Variants in DPP6 observed in about 807,000 individuals in gnomAD.
DPP6 encodes A-type potassium channel modulatory protein DPP6.
A neutral mutation model predicts 122.6 loss-of-function variants in DPP6; 69 were observed. The ratio of observed to expected loss-of-function variants is 0.56; its 90% CI spans 0.46 to 0.69. The LOEUF (loss-of-function observed/expected upper bound fraction) is 0.69, where lower values mean the gene tolerates loss of function less well. Ranked by LOEUF, DPP6 falls within the 30% of genes least tolerant of loss-of-function variation. DPP6 has a pLI of 0.00. For missense variants in DPP6, 928 were observed against 1,116.9 expected (o/e 0.83, Z 2.41); for synonymous variants, 418 against 433.1 (o/e 0.97, Z 0.43).
chr7:154,846,061 G>T, intron 16 of DPP6, among the ~76,000 whole-genome samples: 1 of 152,190 alleles, frequency 6.6e-6, no homozygotes, highest in East Asian at 1.9e-4. Context: ...CCAATGGGAT[G>T]AGTCTCGGCC....
chr7:154,537,725 GAAGA>G (rs546554572), intron 3 of DPP6, among the ~76,000 whole-genome samples: 3 of 147,384 alleles, frequency 2.0e-5, no homozygotes, highest in Admixed American at 6.8e-5. Flanking sequence ...AAGAAGGAAG[GAAGA>G]AAGAAAGAAA....
intron 1 of DPP6, among the ~76,000 whole-genome samples, chr7:154,172,004 G>A (rs181555463): frequency 6.6e-6 from 1 of 152,194 alleles, no homozygotes; most frequent in East Asian, 1.9e-4. Context: ...CTGGGATGCA[G>A]AGAGGTGATC....
intron 5 of DPP6, among the ~76,000 whole-genome samples, chr7:154,575,724 G>A (rs1214906710): frequency 2.8e-5 from 4 of 144,840 alleles, no homozygotes; most frequent in African/African-American, 1.0e-4. Flanking sequence ...TGTGTTGTGT[G>A]TATGTGGTAT....
intron 1 of DPP6, among the ~76,000 whole-genome samples, chr7:153,904,198 C>G (rs376460109): frequency 6.6e-6 from 1 of 152,156 alleles, no homozygotes; most frequent in Non-Finnish European, 1.5e-5. Flanking sequence ...ACTACAGGCA[C>G]GCACCACTAT....
chr7:154,210,314 TCCTTTCCAGTGA>T (rs888816404), intron 1 of DPP6, among the ~76,000 whole-genome samples: 3 of 152,164 alleles, frequency 2.0e-5, no homozygotes, highest in African/African-American at 7.2e-5. Context: ...AGCAAACCTG[TCCTTTCCAGTGA>T]CCTGCCACGG....
intron 16 of DPP6, among the ~76,000 whole-genome samples, chr7:154,824,564 C>A (rs568496872): frequency 6.6e-6 from 1 of 152,314 alleles, no homozygotes; most frequent in East Asian, 1.9e-4. Flanking sequence ...CAGGTGGGAG[C>A]CACCGTGCCC....
the DPP6 span, among the ~76,000 whole-genome samples, chr7:153,804,242 A>G: frequency 1.3e-5 from 2 of 151,760 alleles, no homozygotes; most frequent in Non-Finnish European, 2.9e-5. Flanking sequence ...AGTAGAGATG[A>G]GGTTTCACCA....
rs1237583569 is a variant in DPP6 at position 154,624,824 on chromosome 7, T to C, written c.628-12997T>C. On this transcript the variant is annotated intron_variant, in intron 5 of 25. Coordinates refer to ENST00000377770, the MANE Select transcript of DPP6 (RefSeq NM_130797.4). The surrounding 1 kb of genome is among the most constrained non-coding windows in gnomAD (Gnocchi z 4.7). The stretch of plus-strand genomic sequence containing the variant: ...AGTGATGGGTGAGAAACACTGGCTA[T>C]GCTAACAGAAGCAGGCACACAGCGG... 1.3e-5 allele frequency among the ~76,000 whole-genome samples: 2 copies of C among 152,192 alleles called. No homozygotes were observed. The highest frequency in any genetic ancestry group is 2.4e-5 in the African/African-American group (1 of 41,444).
Position 154,521,205 on chromosome 7 carries a change from A to C in DPP6, c.458-19327A>C, listed in dbSNP as rs140951219. ...TGATAACACATTTCTGAGGATATTC[A>C]TTCCTGGATAAATTTTTAAGGATTT... On this transcript the variant is annotated intron_variant, in intron 3 of 25. Transcript: ENST00000377770. Among the ~76,000 whole-genome samples, 359 of 152,282 alleles carry C rather than the reference A, an allele frequency of 2.4e-3. 1 individual carries two copies. The highest frequency in any genetic ancestry group is 8.3e-3 in the African/African-American group (343 of 41,552).
the DPP6 span, among the ~76,000 whole-genome samples, chr7:153,861,653 C>T: frequency 6.6e-6 from 1 of 152,136 alleles, no homozygotes; most frequent in Non-Finnish European, 1.5e-5. Context: ...ATGCAATTGG[C>T]TACCCTATGT....
upstream of DPP6, among the ~76,000 whole-genome samples, chr7:153,882,818 C>T (rs1034688461): frequency 2.0e-5 from 3 of 151,910 alleles, no homozygotes; most frequent in Non-Finnish European, 2.9e-5. Flanking sequence ...CTGAAAAACA[C>T]GGCAGATTCT....
At chr7:154,063,790 G>T (rs1454185247) in intron 1 of DPP6, among the ~76,000 whole-genome samples, 1 of 151,786 alleles carries the variant, frequency 6.6e-6, no homozygotes, top group Non-Finnish European at 1.5e-5. Flanking sequence ...CTGGAGGACT[G>T]TGGATATTAG....
intron 16 of DPP6, among the ~76,000 whole-genome samples, chr7:154,849,633 C>T (rs573378018): frequency 6.6e-6 from 1 of 152,268 alleles, no homozygotes; most frequent in African/African-American, 2.4e-5. Flanking sequence ...TTAACTTCTT[C>T]CTTTACTATT....
In DPP6 at chr7:154,000,039, ATAAGAC is replaced by A. The variant is rs371197208; in HGVS notation, c.51+112310_51+112315del. On this transcript the variant is annotated intron_variant, in intron 1 of 25. Coordinates refer to the DPP6 transcript ENST00000404039. The stretch of plus-strand genomic sequence containing the variant: ...ATTTATATATAAGATAGCTGGAAAA[ATAAGAC>A]TAAGTAAATTTGCTTTGTAATGTTT... Among the ~76,000 whole-genome samples the A allele has an allele frequency of 2.1e-3, 318 of 152,294 alleles. 1 individual carries two copies. Among genetic ancestry groups the A allele is most frequent in the African/African-American group, 7.2e-3 (298 of 41,570 alleles).
chr7:154,847,636 G>A (rs1160450259), intron 16 of DPP6, among the ~76,000 whole-genome samples: 6 of 152,172 alleles, frequency 3.9e-5, no homozygotes, highest in African/African-American at 1.2e-4. Flanking sequence ...TAACATATCT[G>A]TCACTTCACG....
intron 1 of DPP6, among the ~76,000 whole-genome samples, chr7:154,060,766 C>A (rs1363893951): frequency 7.1e-6 from 1 of 140,680 alleles, no homozygotes; most frequent in Non-Finnish European, 1.6e-5. Context: ...GTCCCTCTTC[C>A]CCCCCTGGCT....
chr7:154,860,703 C>T (rs1160518423), intron 17 of DPP6, among the ~76,000 whole-genome samples: 5 of 152,230 alleles, frequency 3.3e-5, no homozygotes, highest in East Asian at 1.9e-4. Flanking sequence ...GGAACAGCCC[C>T]GCTGCCTCCT....
At chr7:153,856,998 G>A in the DPP6 span, among the ~76,000 whole-genome samples, 2 of 151,966 alleles carry the variant, frequency 1.3e-5, no homozygotes, top group African/African-American at 4.8e-5. Context: ...GAATAATGTT[G>A]GATTTCCTAT....
the DPP6 span, among the ~76,000 whole-genome samples, chr7:153,833,885 T>A: frequency 6.6e-6 from 1 of 152,180 alleles, no homozygotes; most frequent in Non-Finnish European, 1.5e-5. Flanking sequence ...CTGCAGCCTT[T>A]AAGACACAGC....
Sources: allele counts gnomAD v4.1 joint callset (sites outside exome capture counted in the v4.1 genomes callset), GRCh38; gene constraint gnomAD v4.1.1; non-coding constraint Gnocchi (gnomAD v3.1); transcripts MANE v1.5; gene names NCBI Gene and HGNC (gene_info 2026-07-23, HGNC 2026-07-21).